ANKHD1: variants seen among roughly 807,000 people sequenced by gnomAD.
ANKHD1 encodes ankyrin repeat and KH domain containing 1.
ANKHD1 carries 31 observed loss-of-function variants against 230.5 expected under a neutral mutation model. The ratio of observed to expected loss-of-function variants is 0.13; its 90% CI spans 0.10 to 0.18. The LOEUF (loss-of-function observed/expected upper bound fraction) is 0.18, where lower values mean the gene tolerates loss of function less well. Ranked by LOEUF, ANKHD1 falls within the 10% of genes least tolerant of loss-of-function variation. ANKHD1 has a pLI of 1.00. For synonymous variants in ANKHD1, 1,074 were observed against 1,117.6 expected (o/e 0.96, Z 0.78); for missense variants, 2,256 against 3,071.3 (o/e 0.73, Z 6.27).
At chr5:140,426,972 C>G (rs896079662) in intron 1 of ANKHD1, among the ~76,000 whole-genome samples, 98 of 152,226 alleles carry the variant, frequency 6.4e-4, no homozygotes, top group Non-Finnish European at 1.0e-3. Flanking sequence ...CACCTTTCCC[C>G]CCTTTCTATT....
intron 7 of ANKHD1, among the ~76,000 whole-genome samples, chr5:140,455,274 C>G (rs1332222755): frequency 6.6e-6 from 1 of 152,192 alleles, no homozygotes; most frequent in Non-Finnish European, 1.5e-5. Context: ...CTGCTGAATT[C>G]TACCAGAGGT....
At chr5:140,500,674 A>G (rs1752256641) in intron 15 of ANKHD1, among the ~76,000 whole-genome samples, 1 of 151,458 alleles carries the variant, frequency 6.6e-6, no homozygotes, top group African/African-American at 2.4e-5. Flanking sequence ...AAAAAAGAAA[A>G]GAAAAACTGA....
intron 1 of ANKHD1, among the ~76,000 whole-genome samples, chr5:140,411,609 T>TC (rs1770930793): frequency 6.7e-6 from 1 of 149,684 alleles, no homozygotes; most frequent in Admixed American, 6.7e-5. Context: ...AACCTCTGCC[T>TC]CCCGAGTTCA....
chr5:140,510,043 C>T lies in ANKHD1; in HGVS notation c.3966C>T (p.Asn1322=). The T allele has an allele frequency of 6.2e-7, 1 of 1,613,592 alleles. No homozygotes were observed. Among genetic ancestry groups the T allele is most frequent in the Non-Finnish European group, 8.5e-7 (1 of 1,179,708 alleles). ...IHRGAHIDVR[N]KKGNTPLWLA... is the part of the protein sequence containing the mutation. ...GGGGAGCCCACATTGATGTTCGTAA[C>T]AAAAAGGGAAATACGCCACTTTGGC... Residue 1322 remains asparagine (N), a synonymous_variant, in exon 22 of 34, where the codon AAC becomes AAT. Coordinates refer to ENST00000360839, the MANE Select transcript of ANKHD1 (RefSeq NM_017747.3).
intron 1 of ANKHD1, among the ~76,000 whole-genome samples, chr5:140,406,607 C>T (rs1301831901): frequency 2.0e-5 from 3 of 150,908 alleles, no homozygotes; most frequent in Non-Finnish European, 4.4e-5. Context: ...CAGGCTGGCA[C>T]GATCTTAGCT....
At chr5:140,405,898 G>T (rs1192322850) in intron 1 of ANKHD1, among the ~76,000 whole-genome samples, 1 of 151,510 alleles carries the variant, frequency 6.6e-6, no homozygotes, top group Non-Finnish European at 1.5e-5. Flanking sequence ...CTCCCAAAGT[G>T]TTGGGATTAC....
intron 1 of ANKHD1, among the ~76,000 whole-genome samples, chr5:140,415,856 T>C (rs1771332632): frequency 6.6e-6 from 1 of 152,192 alleles, no homozygotes; most frequent in African/African-American, 2.4e-5. Context: ...GTTACATATG[T>C]ACACATGTGC....
chr5:140,439,716 C>T (rs553370165), intron 3 of ANKHD1, among the ~76,000 whole-genome samples: 1 of 148,424 alleles, frequency 6.7e-6, no homozygotes, highest in Non-Finnish European at 1.5e-5. Flanking sequence ...AGCTGATGAG[C>T]GAAAAGAAAA....
At chr5:140,523,769 T>C (rs549795358) in intron 24 of ANKHD1, among the ~76,000 whole-genome samples, 1 of 152,090 alleles carries the variant, frequency 6.6e-6, no homozygotes, top group Non-Finnish European at 1.5e-5. Flanking sequence ...CCATGTTGGC[T>C]ACATTAGTCT....
intron 26 of ANKHD1, among the ~76,000 whole-genome samples, chr5:140,526,674 A>G (rs1296980710): frequency 7.5e-6 from 1 of 133,854 alleles, no homozygotes; most frequent in Non-Finnish European, 1.6e-5. Context: ...GAAGTTGAAA[A>G]TATTTGCATG....
chr5:140,486,933 A>AT, intron 13 of ANKHD1, 25 bp from the exon 14 acceptor site: 1 of 1,603,176 alleles, frequency 6.2e-7, no homozygotes, highest in Non-Finnish European at 8.5e-7. Flanking sequence ...GTCTGAGATG[A>AT]TTTTTTTCTG....
intron 1 of ANKHD1, among the ~76,000 whole-genome samples, chr5:140,418,292 C>T (rs116707846): frequency 3.9e-4 from 59 of 152,030 alleles, no homozygotes; most frequent in African/African-American, 1.3e-3. Context: ...TACAGATGTG[C>T]ACCACTACAG....
chr5:140,482,778 T>TCTG, intron 11 of ANKHD1, 111 bp downstream of exon 11: 1 of 1,122,198 alleles, frequency 8.9e-7, no homozygotes, highest in Non-Finnish European at 1.2e-6. Flanking sequence ...AAGTATTGTA[T>TCTG]TCTTGCCTTT....
chr5:140,499,322 T>A (rs1421265006), intron 15 of ANKHD1, among the ~76,000 whole-genome samples: 2 of 152,062 alleles, frequency 1.3e-5, no homozygotes, highest in Non-Finnish European at 2.9e-5. Flanking sequence ...ATGCTGTAAT[T>A]GTAAAACATA....
intron 7 of ANKHD1, among the ~76,000 whole-genome samples, chr5:140,449,797 T>C (rs1037453714): frequency 6.6e-6 from 1 of 152,232 alleles, no homozygotes; most frequent in African/African-American, 2.4e-5. Flanking sequence ...AGGGATATTA[T>C]TGATAAAACT....
intron 1 of ANKHD1, among the ~76,000 whole-genome samples, chr5:140,422,288 A>C (rs1772044209): frequency 6.6e-6 from 1 of 151,670 alleles, no homozygotes; most frequent in African/African-American, 2.4e-5. Context: ...ACGCCCGGCT[A>C]ATTTTTTGTA....
intron 14 of ANKHD1, among the ~76,000 whole-genome samples, chr5:140,487,532 C>T (rs1275968196): frequency 6.6e-6 from 1 of 152,112 alleles, no homozygotes; most frequent in African/African-American, 2.4e-5. Context: ...TCATCTGTCA[C>T]TATGTGAACC....
chr5:140,486,862 A>T, intron 13 of ANKHD1, 96 bp from the exon 14 acceptor site: 1 of 1,238,808 alleles, frequency 8.1e-7, no homozygotes, highest in South Asian at 1.9e-5. Flanking sequence ...ATTTGGTGGT[A>T]TATGAAGATA....
Position 140,524,166 on chromosome 5 carries a change from A to C in ANKHD1, c.4418A>C (p.Glu1473Ala). The C allele has an allele frequency of 6.2e-7, 1 of 1,601,086 alleles. No homozygotes were observed. The highest frequency in any genetic ancestry group is 1.2e-5 in the South Asian group (1 of 86,922). The change falls in exon 25 of 34, where the codon GAA becomes GCA. Residue 1473 changes from glutamate (E) to alanine (A), a missense_variant. Coordinates refer to ENST00000360839, the MANE Select transcript of ANKHD1 (RefSeq NM_017747.3). ...KKEEQKRKQE[E>A]DEENKPKENS... is the part of the protein sequence containing the mutation. ...GAGGAACAGAAAAGGAAACAGGAAG[A>C]AGATGAAGAAAACAAACCTAAGGAG...
Sources: gnomAD v4.1 joint callset for allele counts (sites outside exome capture counted in the v4.1 genomes callset) on GRCh38, gnomAD v4.1.1 for gene constraint, MANE v1.5 for transcripts, NCBI Gene and HGNC (gene_info 2026-07-23, HGNC 2026-07-21) for gene names.